The following NREP variants were observed in gnomAD, a reference collection of about 807,000 sequenced individuals.
The protein encoded by NREP is neuronal regeneration-related protein.
Under a neutral mutation model 8.6 loss-of-function variants are expected in NREP, and 5 were observed. The ratio of observed to expected loss-of-function variants is 0.58; its 90% CI spans 0.30 to 1.22. NREP has a LOEUF of 1.22. Among genes scored for constraint, NREP ranks in the 50% most tolerant of loss-of-function variants. The pLI, the probability that NREP is intolerant of heterozygous loss-of-function variation, is 0.07. For synonymous variants in NREP, 27 were observed against 28.0 expected, an observed-to-expected ratio of 0.96 and a Z score of 0.11; for missense variants, 86 against 82.5, an observed-to-expected ratio of 1.04 and a Z score of -0.17.
At chr5:111,749,475 C>G (rs944427101) in intron 2 of NREP, among the ~76,000 whole-genome samples, 2 of 151,956 alleles carry the variant, frequency 1.3e-5, no homozygotes, top group Non-Finnish European at 2.9e-5. Context: ...CGATTTTCGT[C>G]TATCATGTGA....
At chr5:111,880,496 T>C (rs909407994) in intron 2 of NREP, among the ~76,000 whole-genome samples, 1 of 152,190 alleles carries the variant, frequency 6.6e-6, no homozygotes, top group Admixed American at 6.5e-5. Context: ...TGTTCTTGCA[T>C]GGTCGTCCTT....
intron 2 of NREP, among the ~76,000 whole-genome samples, chr5:111,901,517 C>G (rs1011610147): frequency 1.3e-4 from 19 of 151,996 alleles, no homozygotes; most frequent in African/African-American, 4.6e-4. Flanking sequence ...AAGAGGAAGT[C>G]AAATTGTTCC....
At chr5:111,838,226 T>C (rs186296527) in intron 2 of NREP, among the ~76,000 whole-genome samples, 1 of 152,306 alleles carries the variant, frequency 6.6e-6, no homozygotes, top group East Asian at 1.9e-4. Context: ...ATTTGCAGAA[T>C]GTCTTCTAAA....
chr5:111,884,869 T>C (rs1004104571), intron 2 of NREP, among the ~76,000 whole-genome samples: 63 of 152,312 alleles, frequency 4.1e-4, no homozygotes, highest in African/African-American at 1.5e-3. Flanking sequence ...GCCAATATCA[T>C]ACTGAATGGG....
intron 2 of NREP, among the ~76,000 whole-genome samples, chr5:111,949,928 C>T (rs762106255): frequency 2.0e-5 from 3 of 151,998 alleles, no homozygotes; most frequent in Non-Finnish European, 4.4e-5. Context: ...GATTTATAAT[C>T]GTTTGGGTGT....
upstream of NREP, chr5:111,757,589 C>A (rs1252055407): frequency 5.1e-6 from 5 of 983,932 alleles, no homozygotes; most frequent in Non-Finnish European, 6.0e-6. Flanking sequence ...CTCTGGGCCC[C>A]GTCGGCGAGC....
chr5:111,856,844 A>G (rs535764757), intron 2 of NREP, among the ~76,000 whole-genome samples: 1 of 152,180 alleles, frequency 6.6e-6, no homozygotes, highest in South Asian at 2.1e-4. Context: ...CTTTTGACAA[A>G]AAGTAAAGTT....
intron 2 of NREP, among the ~76,000 whole-genome samples, chr5:111,929,215 T>C (rs972174178): frequency 6.6e-6 from 1 of 152,198 alleles, no homozygotes; most frequent in South Asian, 2.1e-4. Flanking sequence ...TAGTTCTAAA[T>C]TAATCTTGGC....
chr5:111,922,791 T>G (rs1287960373), intron 2 of NREP, among the ~76,000 whole-genome samples: 1 of 152,162 alleles, frequency 6.6e-6, no homozygotes, highest in African/African-American at 2.4e-5. Flanking sequence ...TCCTGATGGC[T>G]GGAAAGTGAA....
Position 111,878,691 on chromosome 5 carries a change from T to C in NREP, c.135+96583A>G, listed in dbSNP as rs144806776. Reference sequence around the variant, plus strand: ...AAGGCACTGTTCAGAAGACAGCAAATGGCTACAGTGAAAATGGTAAGAGGT... The same window carrying C: ...AAGGCACTGTTCAGAAGACAGCAAACGGCTACAGTGAAAATGGTAAGAGGT... On this transcript the variant is annotated intron_variant, in intron 2 of 3. Transcript: ENST00000395634. Among the ~76,000 whole-genome samples the C allele has an allele frequency of 3.7e-3, 559 of 152,274 alleles. 2 individuals are homozygous for C. Among genetic ancestry groups the C allele is most frequent in the African/African-American group, 9.0e-3 (373 of 41,552 alleles).
chr5:111,739,357 G>A (rs1226881467), intron 2 of NREP: 3 of 152,270 alleles, frequency 2.0e-5, no homozygotes, highest in African/African-American at 7.2e-5. Context: ...ATGCAGGCAA[G>A]TGGCCCTGTA....
At chr5:111,923,772 C>G (rs191958104) in intron 2 of NREP, among the ~76,000 whole-genome samples, 191 of 152,296 alleles carry the variant, frequency 1.3e-3, no homozygotes, top group Non-Finnish European at 2.4e-3. Context: ...CATTCCCTTT[C>G]TTTCTGACAT....
At chr5:111,854,592 C>T (rs375468533) in intron 2 of NREP, among the ~76,000 whole-genome samples, 1 of 152,160 alleles carries the variant, frequency 6.6e-6, no homozygotes, top group Non-Finnish European at 1.5e-5. Flanking sequence ...CCTGTGATTC[C>T]AAATTCCAAT....
intron 2 of NREP, among the ~76,000 whole-genome samples, chr5:111,904,983 AC>A (rs2112554259): frequency 6.6e-6 from 1 of 152,112 alleles, no homozygotes; most frequent in South Asian, 2.1e-4. Flanking sequence ...CAAAAGAATT[AC>A]CTGTATTCCC....
intron 2 of NREP, among the ~76,000 whole-genome samples, chr5:111,929,807 A>G (rs1755487157): frequency 1.3e-5 from 2 of 152,182 alleles, no homozygotes; most frequent in African/African-American, 4.8e-5. Flanking sequence ...CAGATAGACT[A>G]AAAGTTAAAT....
At chr5:111,783,553 C>G (rs1751542701) in intron 2 of NREP, among the ~76,000 whole-genome samples, 1 of 152,184 alleles carries the variant, frequency 6.6e-6, no homozygotes, top group Admixed American at 6.5e-5. Flanking sequence ...AACATTTAAG[C>G]ATGATATCAA....
At chr5:111,920,239 T>C (rs1160429089) in intron 2 of NREP, among the ~76,000 whole-genome samples, 1 of 152,156 alleles carries the variant, frequency 6.6e-6, no homozygotes, top group Non-Finnish European at 1.5e-5. Context: ...CAGGAAATTG[T>C]GTCTCCCTGG....
At chr5:111,955,336 C>T (rs1756280566) in intron 2 of NREP, among the ~76,000 whole-genome samples, 1 of 151,766 alleles carries the variant, frequency 6.6e-6, no homozygotes, top group African/African-American at 2.4e-5. Context: ...TCACACAATG[C>T]AGAAGTATAA....
At chr5:111,766,746 C>CTGATT (rs1189793022) in intron 2 of NREP, among the ~76,000 whole-genome samples, 8 of 152,218 alleles carry the variant, frequency 5.3e-5, no homozygotes. Context: ...TCACTGATTT[C>CTGATT]TCCTCCATGG....
Sources: allele counts gnomAD v4.1 joint callset (sites outside exome capture counted in the v4.1 genomes callset), GRCh38; gene constraint gnomAD v4.1.1; transcripts MANE v1.5; gene names NCBI Gene and HGNC (gene_info 2026-07-23, HGNC 2026-07-21).